PTPN3: variants seen among roughly 807,000 people sequenced by gnomAD.
PTPN3 encodes protein tyrosine phosphatase non-receptor type 3.
PTPN3 carries 96 observed loss-of-function variants against 132.7 expected under a neutral mutation model. The observed-to-expected ratio is 0.72, with a 90% CI of 0.61 to 0.86. PTPN3 has a LOEUF of 0.86. Ranked by LOEUF, PTPN3 falls within the 40% of genes least tolerant of loss-of-function variation. The pLI is 0.00. For synonymous variants in PTPN3, 398 were observed against 429.0 expected, an observed-to-expected ratio of 0.93 and a Z score of 0.89; for missense variants, 1,125 against 1,159.6, an observed-to-expected ratio of 0.97 and a Z score of 0.43.
At chr9:109,433,184 T>A in intron 9 of PTPN3, 23 bp from the exon 10 acceptor site, 3 of 1,613,410 alleles carry the variant, frequency 1.9e-6, no homozygotes, top group Non-Finnish European at 2.5e-6. Context: ...AGATCTCAGA[T>A]CCACAGCATG....
the PTPN3 span, among the ~76,000 whole-genome samples, chr9:109,537,492 A>C: frequency 6.6e-6 from 1 of 151,354 alleles, no homozygotes; most frequent in East Asian, 1.9e-4. Flanking sequence ...TTGTCCATCC[A>C]TTCCGGGTTT....
At chr9:109,496,976 A>T (rs1243710286) in intron 1 of PTPN3, among the ~76,000 whole-genome samples, 1 of 152,176 alleles carries the variant, frequency 6.6e-6, no homozygotes, top group Admixed American at 6.5e-5. Context: ...ACTTTCTCCC[A>T]TCATCTGCTT....
the PTPN3 span, among the ~76,000 whole-genome samples, chr9:109,508,409 C>G: frequency 6.6e-6 from 1 of 152,286 alleles, no homozygotes; most frequent in South Asian, 2.1e-4. Flanking sequence ...ATCTGCCTGC[C>G]TCGGCCTCCC....
chr9:109,411,084 T>G (rs1042951566), intron 14 of PTPN3, among the ~76,000 whole-genome samples: 3 of 152,242 alleles, frequency 2.0e-5, no homozygotes, highest in Admixed American at 2.0e-4. Context: ...CAGCCATACT[T>G]CACATGCTCA....
chr9:109,429,516 C>T (rs1390406403), intron 10 of PTPN3, among the ~76,000 whole-genome samples: 1 of 152,206 alleles, frequency 6.6e-6, no homozygotes, highest in Non-Finnish European at 1.5e-5. Context: ...AAAAACATAA[C>T]TTTTAAAATA....
chr9:109,530,528 T>C, the PTPN3 span, among the ~76,000 whole-genome samples: 1 of 152,228 alleles, frequency 6.6e-6, no homozygotes, highest in Non-Finnish European at 1.5e-5. Flanking sequence ...GCTATGAACA[T>C]GTTGTATCCA....
At chr9:109,478,414 A>C (rs1022872012) in intron 1 of PTPN3, among the ~76,000 whole-genome samples, 5 of 152,200 alleles carry the variant, frequency 3.3e-5, no homozygotes, top group Non-Finnish European at 5.9e-5. Context: ...GTGGGTGTAC[A>C]TAACTGTGGC....
At chr9:109,401,574 A>G (rs1285878053) in intron 19 of PTPN3, among the ~76,000 whole-genome samples, 1 of 152,224 alleles carries the variant, frequency 6.6e-6, no homozygotes, top group Admixed American at 6.5e-5. Context: ...ACCTGCGTGA[A>G]GGAGGTTTCA....
chr9:109,508,306 G>A, the PTPN3 span, among the ~76,000 whole-genome samples: 3 of 151,916 alleles, frequency 2.0e-5, no homozygotes, highest in East Asian at 1.9e-4. Context: ...GACTACAGGC[G>A]CCTGCCACTA....
At position 109,471,268 on chromosome 9, in the gene PTPN3, G is replaced by A. The variant is rs150898984; in HGVS notation, c.-17-7817C>T. On this transcript the variant is annotated intron_variant, in intron 1 of 25. Coordinates refer to ENST00000374541, the MANE Select transcript of PTPN3 (RefSeq NM_002829.4). Reference sequence around the variant, plus strand: ...GACAGTGTTTCACCATGTTGGCCTAGGCTGGTCTTGAACTCCTGACCTCAG... The same window carrying A: ...GACAGTGTTTCACCATGTTGGCCTAAGCTGGTCTTGAACTCCTGACCTCAG... Among the ~76,000 whole-genome samples, 11 of 152,276 alleles carry A rather than the reference G, an allele frequency of 7.2e-5. No individual in the cohort carries two copies. In the East Asian group the frequency reaches 1.7e-3, roughly 24 times the overall value.
chr9:109,453,312 G>A (rs1845373939), intron 5 of PTPN3, among the ~76,000 whole-genome samples: 1 of 151,428 alleles, frequency 6.6e-6, no homozygotes, highest in African/African-American at 2.4e-5. Context: ...TATGTCTTTT[G>A]GCCACGATGA....
chr9:109,414,423 T>C (rs150496060), intron 14 of PTPN3, among the ~76,000 whole-genome samples: 14 of 152,354 alleles, frequency 9.2e-5, no homozygotes, highest in Admixed American at 7.8e-4. Flanking sequence ...GAGGAACTCA[T>C]ACCAGTTCAC....
In PTPN3 at chr9:109,391,457, T is replaced by C. The variant is rs747869976; in HGVS notation, c.2044+14A>G. On this transcript the variant is annotated intron_variant, in intron 20 of 25. Coordinates refer to ENST00000374541, the MANE Select transcript of PTPN3 (RefSeq NM_002829.4). The stretch of plus-strand genomic sequence containing the variant: ...AGTGTAGGGGGGAAGGAGGCATTCA[T>C]GCCGGATACTCACAAGGCAGCACAT... 41 of 1,600,514 alleles carry C rather than the reference T, an allele frequency of 2.6e-5. No homozygotes were observed. Among genetic ancestry groups the C allele is most frequent in the Non-Finnish European group, 3.5e-5 (41 of 1,168,354 alleles).
At chr9:109,473,581 C>A (rs1255844199) in intron 1 of PTPN3, among the ~76,000 whole-genome samples, 1 of 152,142 alleles carries the variant, frequency 6.6e-6, no homozygotes, top group Admixed American at 6.6e-5. Context: ...GGTAATGTTG[C>A]TATAAAGAGA....
At chr9:109,390,536 C>T (rs946639256) in intron 21 of PTPN3, among the ~76,000 whole-genome samples, 9 of 152,056 alleles carry the variant, frequency 5.9e-5, no homozygotes, top group Admixed American at 2.6e-4. Flanking sequence ...ACCAGCATGG[C>T]ACATGTATAC....
intron 1 of PTPN3, among the ~76,000 whole-genome samples, chr9:109,482,999 T>C (rs534638860): frequency 6.6e-6 from 1 of 152,364 alleles, no homozygotes; most frequent in Admixed American, 6.5e-5. Context: ...CTGCTATCCA[T>C]GCCCTGATGC....
chr9:109,507,841 A>T, the PTPN3 span, among the ~76,000 whole-genome samples: 336 of 152,322 alleles, frequency 2.2e-3, 1 homozygote, highest in African/African-American at 7.5e-3. Context: ...ATCCCTATGA[A>T]GTTCTCCAGC....
At chr9:109,482,496 T>C (rs1216603801) in intron 1 of PTPN3, among the ~76,000 whole-genome samples, 1 of 152,258 alleles carries the variant, frequency 6.6e-6, no homozygotes, top group Non-Finnish European at 1.5e-5. Context: ...TCTGTTATTT[T>C]CTATGATGAG....
the PTPN3 span, among the ~76,000 whole-genome samples, chr9:109,507,625 G>A: frequency 6.6e-6 from 1 of 152,212 alleles, no homozygotes; most frequent in Non-Finnish European, 1.5e-5. Flanking sequence ...ACTGTCCAGC[G>A]ATGCCTTTGT....
Sources: gnomAD v4.1 joint callset for allele counts (sites outside exome capture counted in the v4.1 genomes callset) on GRCh38, gnomAD v4.1.1 for gene constraint, MANE v1.5 for transcripts, NCBI Gene and HGNC (gene_info 2026-07-23, HGNC 2026-07-21) for gene names.